The following ELP2 variants were observed in gnomAD, a reference collection of about 807,000 sequenced individuals.
ELP2 encodes elongator complex protein 2.
A neutral mutation model predicts 119.2 loss-of-function variants in ELP2; 90 were observed. That is an observed-to-expected ratio of 0.75 (90% confidence interval 0.64 to 0.90). The LOEUF (loss-of-function observed/expected upper bound fraction) is 0.90. Among genes scored for constraint, ELP2 ranks in the 40% least tolerant of loss-of-function variants. ELP2 has a pLI of 0.00. For synonymous variants in ELP2, 339 were observed against 331.0 expected (o/e 1.02, Z -0.26); for missense variants, 921 against 967.8 (o/e 0.95, Z 0.64).
At chr18:36,156,889 A>G (rs968995856) in intron 13 of ELP2, among the ~76,000 whole-genome samples, 1 of 152,204 alleles carries the variant, frequency 6.6e-6, no homozygotes, top group African/African-American at 2.4e-5. Flanking sequence ...TTAGTGTTCA[A>G]TTGAGACATG....
At chr18:36,141,080 A>G in intron 5 of ELP2, 57 bp from the exon 6 acceptor site, 1 of 1,388,506 alleles carries the variant, frequency 7.2e-7, no homozygotes, top group South Asian at 1.2e-5. Flanking sequence ...ACAGTTGATA[A>G]ATCATAACGT....
chr18:36,171,909 G>A (rs1052233215), intron 21 of ELP2, among the ~76,000 whole-genome samples: 2 of 152,076 alleles, frequency 1.3e-5, no homozygotes, highest in African/African-American at 2.4e-5. Context: ...TAGTAGAGAC[G>A]GGGTTTCATT....
chr18:36,146,487 GAAGTTCAAGTGACATAACTTT>G, intron 11 of ELP2, 106 bp downstream of exon 11: 1 of 1,252,930 alleles, frequency 8.0e-7, no homozygotes, highest in Non-Finnish European at 1.1e-6. Context: ...AGAGGCACTT[GAAGTTCAAGTGACATAACTTT>G]TTTCTGTAGA....
intron 11 of ELP2, among the ~76,000 whole-genome samples, chr18:36,147,215 A>T (rs2090237930): frequency 6.6e-6 from 1 of 151,560 alleles, no homozygotes; most frequent in South Asian, 2.1e-4. Flanking sequence ...CTGGGACTAC[A>T]GGTGCACCTC....
chr18:36,151,138 A>G (rs1374417318), intron 11 of ELP2, among the ~76,000 whole-genome samples: 1 of 144,460 alleles, frequency 6.9e-6, no homozygotes, highest in Non-Finnish European at 1.5e-5. Context: ...AGGCTGGGGT[A>G]CAGTTGTGCA....
At chr18:36,153,997 A>T (rs372065388) in intron 11 of ELP2, among the ~76,000 whole-genome samples, 1 of 151,836 alleles carries the variant, frequency 6.6e-6, no homozygotes. Context: ...AACTTTTTGT[A>T]AACTCCCATT....
At chr18:36,154,745 A>G (rs754009151) in intron 11 of ELP2, 105 bp from the exon 12 acceptor site, 3 of 1,272,646 alleles carry the variant, frequency 2.4e-6, no homozygotes, top group Admixed American at 3.4e-5. Flanking sequence ...TTAGCTTTTC[A>G]CCTTGCCAGA....
At chr18:36,149,923 T>C (rs1046792782) in intron 11 of ELP2, among the ~76,000 whole-genome samples, 6 of 152,208 alleles carry the variant, frequency 3.9e-5, no homozygotes, top group Non-Finnish European at 8.8e-5. Flanking sequence ...TTGTTGGACA[T>C]TATGAGCTGT....
At chr18:36,168,118 G>T (rs988436626) in intron 19 of ELP2, among the ~76,000 whole-genome samples, 1 of 152,114 alleles carries the variant, frequency 6.6e-6, no homozygotes, top group Non-Finnish European at 1.5e-5. Context: ...GTTTAGTGTT[G>T]GCCATTCCTC....
chr18:36,151,210 G>A (rs1785909), intron 11 of ELP2, among the ~76,000 whole-genome samples: 46,979 of 150,904 alleles, frequency 0.31, 7,773 homozygotes, highest in Middle Eastern at 0.42. Context: ...TCCACCTCCC[G>A]AGTAGCTGAG....
intron 5 of ELP2, chr18:36,139,733 C>G (rs2089956919): frequency 6.3e-6 from 5 of 793,362 alleles, no homozygotes; most frequent in Non-Finnish European, 9.5e-6. Context: ...AGTCTCTTAT[C>G]TAGCAGAGTC....
rs755738179 is a variant in ELP2, at chr18:36,159,803, G to T, written c.1603G>T (p.Val535Leu). 3.1e-6 allele frequency: 5 copies of T among 1,614,018 alleles called. No individual in the cohort carries two copies. The highest frequency in any genetic ancestry group is 3.4e-6 in the Non-Finnish European group (4 of 1,179,956). ...TAGTACTGGTTTTGAGTATCAGCAG[G>T]TGGCCTTTCAGCCCTCCATACTTAC... The part of the protein sequence containing the change: ...LTSTGFEYQQ[V>L]AFQPSILTEP... The change falls in exon 15 of 22, where the codon GTG becomes TTG. Residue 535 changes from valine to leucine, a missense_variant. Transcript: ENST00000358232.
rs1249680001 is a variant in ELP2, at chr18:36,179,817, T to C, written c.*5176T>C. ...CTTATCTTTTCTCCTGACCAAGTTC[T>C]AGGTATTTCATAGGGCAGTCTAGGT... On this transcript the variant is annotated 3_prime_UTR_variant, in exon 22 of 22. Transcript: ENST00000358232. 6.6e-6 allele frequency: 1 copy of C among 152,224 alleles called. No homozygotes were observed. Among genetic ancestry groups the C allele is most frequent in the African/African-American group, 2.4e-5 (1 of 41,446 alleles). 9.4% of individuals were successfully genotyped at this position (152,224 alleles called of 1,614,324 possible).
intron 11 of ELP2, among the ~76,000 whole-genome samples, chr18:36,148,071 G>A (rs939430753): frequency 6.6e-6 from 1 of 150,594 alleles, no homozygotes; most frequent in Non-Finnish European, 1.5e-5. Flanking sequence ...TTCCCCCAGG[G>A]TGGAACCCTC....
intron 2 of ELP2, among the ~76,000 whole-genome samples, chr18:36,135,326 C>A (rs2089786890): frequency 6.6e-6 from 1 of 152,050 alleles, no homozygotes; most frequent in Admixed American, 6.6e-5. Context: ...ATTTTAATAT[C>A]ATTTTGTATT....
At chr18:36,143,571 A>C (rs975981315) in intron 8 of ELP2, among the ~76,000 whole-genome samples, 1 of 151,380 alleles carries the variant, frequency 6.6e-6, no homozygotes, top group Non-Finnish European at 1.5e-5. Context: ...AATTTTTAAA[A>C]TTTTCTGTAA....
Position 36,156,408 on chromosome 18 carries a change from T to C in ELP2, c.1276-58T>C, listed in dbSNP as rs1048430050. On this transcript the variant is annotated intron_variant, in intron 12 of 21. Transcript: ENST00000358232. ...TAGTAAATAATTTTCATCTAATAAT[T>C]TGCTTATTGAAAATTCAGCTTTTGA... is the stretch of plus-strand genomic sequence containing the variant. The C allele has an allele frequency of 1.7e-5, 26 of 1,491,772 alleles. No individual in the cohort carries two copies. In the East Asian group the frequency reaches 5.4e-4, roughly 31 times the overall value. The allele number at this position is 1,491,772 out of a possible 1,614,324, so 92.4% of individuals were successfully genotyped here.
At chr18:36,133,093 G>A (rs1277354071) in intron 1 of ELP2, 145 bp from the exon 2 acceptor site, 10 of 667,444 alleles carry the variant, frequency 1.5e-5, no homozygotes, top group Non-Finnish European at 2.4e-5. Flanking sequence ...ATGGTTAAAA[G>A]TTTATAGATT....
chr18:36,164,838 G>A, intron 18 of ELP2, 171 bp downstream of exon 18: 1 of 649,788 alleles, frequency 1.5e-6, no homozygotes. Context: ...TTCCTTGTAA[G>A]ATTTAAATGG....
Sources: allele counts gnomAD v4.1 joint callset (sites outside exome capture counted in the v4.1 genomes callset), GRCh38; gene constraint gnomAD v4.1.1; transcripts MANE v1.5; gene names NCBI Gene and HGNC (gene_info 2026-07-23, HGNC 2026-07-21).